The following PDE2A variants were observed in gnomAD, a reference collection of about 807,000 sequenced individuals.
PDE2A encodes phosphodiesterase 2A.
A neutral mutation model predicts 133.6 loss-of-function variants in PDE2A; 53 were observed. The observed-to-expected ratio is 0.40, with a 90% CI of 0.32 to 0.50. The LOEUF is 0.50. PDE2A is among the 20% of genes least tolerant of loss of function. The pLI is 0.73. For synonymous variants in PDE2A, 491 were observed against 490.2 expected (o/e 1.00, Z -0.02); for missense variants, 796 against 1,232.4 (o/e 0.65, Z 5.30).
At position 72,579,324 on chromosome 11, in the gene PDE2A, G is replaced by A; in HGVS notation, c.2316C>T (p.His772=). The A allele has an allele frequency of 4.3e-6, 7 of 1,613,890 alleles. No individual in the cohort carries two copies. The highest frequency in any genetic ancestry group is 4.2e-6 in the Non-Finnish European group (5 of 1,179,894). The change falls in exon 27 of 31, where the codon CAC becomes CAT. Residue 772 remains histidine (H), a synonymous_variant. Coordinates refer to ENST00000334456, the MANE Select transcript of PDE2A (RefSeq NM_002599.5). ...RDIILATDLA[H]HLRIFKDLQK... ...GGAGGTCCTTGAAGATGCGGAGATGGTGGGCCAGGTCTGTGGCCAAGATGA... is the reference window on the plus strand; with the variant it reads ...GGAGGTCCTTGAAGATGCGGAGATGATGGGCCAGGTCTGTGGCCAAGATGA...
chr11:72,600,733 G>T (rs983193041), intron 4 of PDE2A, among the ~76,000 whole-genome samples: 1 of 151,970 alleles, frequency 6.6e-6, no homozygotes, highest in Non-Finnish European at 1.5e-5. Flanking sequence ...CCAGGCTCAT[G>T]CTGGGGGTTG....
rs116373196 is a variant in PDE2A at position 72,651,077 on chromosome 11, A to C, written c.72-8751T>G. 2.6e-3 allele frequency among the ~76,000 whole-genome samples: 398 copies of C among 152,330 alleles called. 2 individuals carry two copies. The highest frequency in any genetic ancestry group is 9.1e-3 in the African/African-American group (379 of 41,574). On this transcript the variant is annotated intron_variant, in intron 1 of 30. Transcript: ENST00000334456. Reference sequence around the variant, plus strand: ...CCCCAGTCTATGGCTTCAAGGCTCCAAGAACTCCCAGAGCTTCATGTTCTT... The same window carrying C: ...CCCCAGTCTATGGCTTCAAGGCTCCCAGAACTCCCAGAGCTTCATGTTCTT...
chr11:72,653,240 G>C (rs1199655179), intron 1 of PDE2A, among the ~76,000 whole-genome samples: 1 of 152,210 alleles, frequency 6.6e-6, no homozygotes, highest in Non-Finnish European at 1.5e-5. Context: ...GAAGAAGGAG[G>C]CAAAGAGGTC....
At chr11:72,646,629 A>G (rs980876410) in intron 1 of PDE2A, among the ~76,000 whole-genome samples, 2 of 152,136 alleles carry the variant, frequency 1.3e-5, no homozygotes, top group Non-Finnish European at 2.9e-5. Flanking sequence ...ATGGCCTCCA[A>G]GGCAACATCC....
intron 1 of PDE2A, among the ~76,000 whole-genome samples, chr11:72,670,205 C>G (rs1855353265): frequency 6.6e-6 from 1 of 150,522 alleles, no homozygotes; most frequent in Non-Finnish European, 1.5e-5. Context: ...ATAAGGCCAG[C>G]CCCAATGGCC....
chr11:72,586,239 T>C (rs890985331), intron 13 of PDE2A, 58 bp from the exon 14 acceptor site: 27 of 983,458 alleles, frequency 2.7e-5, no homozygotes, highest in Non-Finnish European at 4.2e-5. Flanking sequence ...CTCTCCCCAC[T>C]CTCCTTACTT....
intron 1 of PDE2A, among the ~76,000 whole-genome samples, chr11:72,669,618 G>A (rs1044871586): frequency 3.9e-5 from 6 of 152,182 alleles, no homozygotes; most frequent in Non-Finnish European, 8.8e-5. Context: ...AAGCTGGGGC[G>A]CTCCAAGGAG....
intron 1 of PDE2A, chr11:72,657,966 T>C: frequency 2.2e-6 from 1 of 456,220 alleles, no homozygotes; most frequent in Non-Finnish European, 4.4e-6. Flanking sequence ...TCACAGGAGC[T>C]GAGGAGGGGT....
intron 6 of PDE2A, among the ~76,000 whole-genome samples, chr11:72,592,006 T>C (rs1475025615): frequency 1.3e-5 from 2 of 152,068 alleles, no homozygotes; most frequent in Non-Finnish European, 2.9e-5. Flanking sequence ...CTCCCTCCCG[T>C]TCTCTGCCCA....
intron 4 of PDE2A, among the ~76,000 whole-genome samples, chr11:72,604,586 A>C (rs1393418051): frequency 1.3e-5 from 2 of 152,242 alleles, no homozygotes; most frequent in Non-Finnish European, 1.5e-5. Flanking sequence ...TCACCATTTC[A>C]TAAACAAAAC....
At chr11:72,595,035 GACACACACAC>G (rs34720227) in intron 6 of PDE2A, among the ~76,000 whole-genome samples, 1 of 148,658 alleles carries the variant, frequency 6.7e-6, no homozygotes, top group Non-Finnish European at 1.5e-5. Flanking sequence ...GCGTCCCTGA[GACACACACAC>G]ACACACACAC....
Position 72,669,033 on chromosome 11 carries a change from C to T in PDE2A, c.71+5104G>A, listed in dbSNP as rs970945741. On this transcript the variant is annotated intron_variant, in intron 1 of 30. Coordinates refer to ENST00000334456, the MANE Select transcript of PDE2A (RefSeq NM_002599.5). ...ACCTTTGTGAGCACCTGCCGCATGC[C>T]AGGGGCTAAGCTCTGCACTTCCAGA... 8.7e-6 allele frequency: 8 copies of T among 918,008 alleles called. 1 individual carries two copies. Among genetic ancestry groups the T allele is most frequent in the Non-Finnish European group, 1.0e-5 (8 of 764,408 alleles). 56.9% of individuals were successfully genotyped at this position (918,008 alleles called of 1,614,324 possible).
chr11:72,590,730 C>T lies in PDE2A; in HGVS notation c.550-150G>A, dbSNP rs898123927. On this transcript the variant is annotated intron_variant, in intron 7 of 30. Coordinates refer to ENST00000334456, the MANE Select transcript of PDE2A (RefSeq NM_002599.5). The surrounding 1 kb of genome is among the most constrained non-coding windows in gnomAD (Gnocchi z 4.8). Reference sequence around the variant, plus strand: ...CCAAACACCTCATCCCTGGACTCTACCTTCCTGAGGGCTCCCCCGGGGGCT... The same window carrying T: ...CCAAACACCTCATCCCTGGACTCTATCTTCCTGAGGGCTCCCCCGGGGGCT... The T allele has an allele frequency of 1.1e-5, 8 of 718,066 alleles. No individual in the cohort carries two copies. The highest frequency in any genetic ancestry group is 1.6e-5 in the Non-Finnish European group (8 of 490,570). 44.5% of individuals were successfully genotyped at this position (718,066 alleles called of 1,614,324 possible). A position where few individuals can be genotyped will look rare whatever the true frequency, so the allele number is the denominator to read the frequency against.
chr11:72,636,109 C>A, intron 2 of PDE2A: 1 of 1,232,308 alleles, frequency 8.1e-7, no homozygotes. Flanking sequence ...AATGCCTGCC[C>A]CCTGAAGCCA....
intron 1 of PDE2A, chr11:72,668,566 C>T: frequency 1.5e-6 from 1 of 675,652 alleles, no homozygotes; most frequent in Non-Finnish European, 2.7e-6. Context: ...TCCACACAGC[C>T]CAGCACCCAC....
intron 2 of PDE2A, among the ~76,000 whole-genome samples, chr11:72,633,337 C>A (rs1858515770): frequency 6.6e-6 from 1 of 152,216 alleles, no homozygotes; most frequent in Non-Finnish European, 1.5e-5. Flanking sequence ...CACCCAGCAA[C>A]AGGAAGCTGA....
chr11:72,594,190 G>T lies in PDE2A; in HGVS notation c.489+2403C>A, dbSNP rs151243627. Among the ~76,000 whole-genome samples, 782 of 152,338 alleles carry T rather than the reference G, an allele frequency of 5.1e-3. 4 individuals are homozygous for T. Among genetic ancestry groups the T allele is most frequent in the African/African-American group, 0.018 (746 of 41,576 alleles). On this transcript the variant is annotated intron_variant, in intron 6 of 30. Coordinates refer to ENST00000334456, the MANE Select transcript of PDE2A (RefSeq NM_002599.5). Reference sequence around the variant, plus strand: ...AATAGTTGTTCAACTGATGGATGAGGGGGTGGATGGGTAGGTGGATCAGTG... The same window carrying T: ...AATAGTTGTTCAACTGATGGATGAGTGGGTGGATGGGTAGGTGGATCAGTG...
At chr11:72,671,184 T>C (rs919247962) in intron 1 of PDE2A, among the ~76,000 whole-genome samples, 3 of 152,228 alleles carry the variant, frequency 2.0e-5, no homozygotes, top group Middle Eastern at 3.4e-3. Flanking sequence ...CCCTGTAGGG[T>C]TGCAGCTTTC....
intron 19 of PDE2A, 83 bp from the exon 20 acceptor site, chr11:72,583,598 A>G (rs1034848105): frequency 4.5e-6 from 4 of 889,020 alleles, no homozygotes; most frequent in Admixed American, 3.5e-5. Flanking sequence ...GAAGGGGTCA[A>G]AAAGACACCC....
Sources: allele counts gnomAD v4.1 joint callset (sites outside exome capture counted in the v4.1 genomes callset), GRCh38; gene constraint gnomAD v4.1.1; non-coding constraint Gnocchi (gnomAD v3.1); transcripts MANE v1.5; gene names NCBI Gene and HGNC (gene_info 2026-07-23, HGNC 2026-07-21).